FBXL13: variants seen among roughly 807,000 people sequenced by gnomAD.
FBXL13 encodes the protein F-box and leucine-rich repeat protein 13.
Under a neutral mutation model 83.6 loss-of-function variants are expected in FBXL13, and 67 were observed. The observed-to-expected ratio is 0.80, with a 90% CI of 0.66 to 0.98. FBXL13 has a LOEUF of 0.98. Ranked by LOEUF, FBXL13 falls within the 50% of genes least tolerant of loss-of-function variation. The pLI, the probability that FBXL13 is intolerant of heterozygous loss-of-function variation, is 0.00. For missense variants in FBXL13, 822 were observed against 866.5 expected, an observed-to-expected ratio of 0.95 and a Z score of 0.64; for synonymous variants, 272 against 299.5, an observed-to-expected ratio of 0.91 and a Z score of 0.95.
intron 6 of FBXL13, among the ~76,000 whole-genome samples, chr7:102,977,412 A>G (rs1455236577): frequency 6.6e-6 from 1 of 152,232 alleles, no homozygotes; most frequent in Non-Finnish European, 1.5e-5. Flanking sequence ...TAACATAGAC[A>G]ATAATGGAAA....
intron 1 of FBXL13, among the ~76,000 whole-genome samples, chr7:103,057,415 G>GT (rs566190343): frequency 4.6e-5 from 1 of 21,838 alleles, no homozygotes; most frequent in Admixed American, 6.5e-4. Flanking sequence ...CATTGGGGTT[G>GT]GGGGGGGTTG....
intron 11 of FBXL13, among the ~76,000 whole-genome samples, chr7:102,887,093 T>C (rs1014714747): frequency 6.6e-6 from 1 of 152,202 alleles, no homozygotes; most frequent in Admixed American, 6.5e-5. Context: ...TACAAGTTAA[T>C]GTTTTAGGAG....
chr7:102,879,144 T>C (rs1000005866), intron 14 of FBXL13, among the ~76,000 whole-genome samples: 19 of 152,200 alleles, frequency 1.2e-4, no homozygotes, highest in Non-Finnish European at 2.8e-4. Flanking sequence ...TAAGAAGCAT[T>C]TCAGCAAATA....
intron 10 of FBXL13, among the ~76,000 whole-genome samples, chr7:102,920,630 A>T (rs1426782036): frequency 6.6e-6 from 1 of 152,148 alleles, no homozygotes; most frequent in African/African-American, 2.4e-5. Flanking sequence ...GGTTACAGCA[A>T]GCCACCACGC....
intron 19 of FBXL13, among the ~76,000 whole-genome samples, chr7:102,820,675 C>T (rs1229813459): frequency 1.3e-5 from 2 of 152,160 alleles, no homozygotes; most frequent in Non-Finnish European, 2.9e-5. Flanking sequence ...ATTTATTGCT[C>T]ATAGTTATAG....
chr7:103,025,200 AT>A lies in FBXL13; in HGVS notation c.357del (p.Lys119AsnfsTer6), dbSNP rs779744290. The A allele has an allele frequency of 6.3e-7, 1 of 1,581,094 alleles. No homozygotes were observed. Among genetic ancestry groups the A allele is most frequent in the Non-Finnish European group, 8.6e-7 (1 of 1,160,440 alleles). On this transcript the variant is annotated frameshift_variant, in exon 6 of 20. Transcript: ENST00000313221. LOFTEE classifies it high-confidence loss of function. ...CTTTTGAGTATTAACCTATTTTTCC[AT>A]TTTTTCAATTGAAGTTCATGTTTTA...
intron 2 of FBXL13, among the ~76,000 whole-genome samples, chr7:103,041,645 C>T (rs1261853822): frequency 6.6e-6 from 1 of 152,188 alleles, no homozygotes; most frequent in Non-Finnish European, 1.5e-5. Context: ...GGCTTCATCC[C>T]TGGGATGCAA....
chr7:103,072,745 C>G (rs920496699), intron 1 of FBXL13, among the ~76,000 whole-genome samples: 14 of 152,212 alleles, frequency 9.2e-5, no homozygotes, highest in African/African-American at 3.4e-4. Flanking sequence ...CCCTCTACTT[C>G]TCTTCACTCA....
intron 11 of FBXL13, among the ~76,000 whole-genome samples, chr7:102,908,826 T>C (rs1814177562): frequency 6.6e-6 from 1 of 152,246 alleles, no homozygotes; most frequent in Non-Finnish European, 1.5e-5. Context: ...TCCACCACTA[T>C]GATTGCACTG....
chr7:103,067,088 T>C (rs902583513), intron 1 of FBXL13, among the ~76,000 whole-genome samples: 1 of 151,972 alleles, frequency 6.6e-6, no homozygotes, highest in Admixed American at 6.6e-5. Flanking sequence ...GTGGGTGTAA[T>C]GGAATTGTCA....
At chr7:102,880,507 A>G (rs1391788033) in intron 14 of FBXL13, among the ~76,000 whole-genome samples, 2 of 152,116 alleles carry the variant, frequency 1.3e-5, no homozygotes, top group African/African-American at 4.8e-5. Context: ...TCCCAGATAA[A>G]TCTAATTGTT....
chr7:103,024,853 A>ATATT (rs1793695020), intron 6 of FBXL13, among the ~76,000 whole-genome samples: 1 of 88,236 alleles, frequency 1.1e-5, no homozygotes, highest in African/African-American at 5.4e-5. Context: ...ATATATATAT[A>ATATT]TATATTTTTT....
chr7:102,886,823 GA>G (rs1041922028), intron 11 of FBXL13, among the ~76,000 whole-genome samples: 2 of 152,076 alleles, frequency 1.3e-5, no homozygotes, highest in Admixed American at 1.3e-4. Flanking sequence ...GAAATAAAAA[GA>G]AAAGAGAAAA....
intron 11 of FBXL13, among the ~76,000 whole-genome samples, chr7:102,894,997 C>T (rs1311067699): frequency 1.3e-5 from 2 of 152,130 alleles, no homozygotes; most frequent in Admixed American, 6.6e-5. Context: ...CAAAGTCCTA[C>T]TATGAGCCAG....
chr7:102,955,033 C>G (rs1160234527), intron 8 of FBXL13, among the ~76,000 whole-genome samples: 5 of 152,164 alleles, frequency 3.3e-5, no homozygotes, highest in Admixed American at 2.6e-4. Context: ...AGCTCTGCAA[C>G]AAGCAGACCT....
chr7:102,907,125 A>G (rs1450569872), intron 11 of FBXL13, among the ~76,000 whole-genome samples: 1 of 151,866 alleles, frequency 6.6e-6, no homozygotes. Context: ...GGCACCCACC[A>G]CCACGTCTGG....
chr7:102,951,269 C>A (rs778258696), intron 8 of FBXL13, among the ~76,000 whole-genome samples: 48 of 151,488 alleles, frequency 3.2e-4, no homozygotes, highest in Non-Finnish European at 5.7e-4. Flanking sequence ...GAGATCAAGA[C>A]CAGCTTGGCT....
At chr7:102,848,602 A>AAAAAT (rs1804596135) in intron 17 of FBXL13, among the ~76,000 whole-genome samples, 1 of 139,950 alleles carries the variant, frequency 7.1e-6, no homozygotes, top group Non-Finnish European at 1.6e-5. Flanking sequence ...AAAAAAAAAA[A>AAAAAT]TACACATTCG....
At chr7:102,923,549 G>A (rs753651055) in intron 10 of FBXL13, among the ~76,000 whole-genome samples, 3 of 152,180 alleles carry the variant, frequency 2.0e-5, no homozygotes, top group Admixed American at 6.5e-5. Context: ...AAGGCCGGGC[G>A]CGGTGGCTCA....
Sources: gnomAD v4.1 joint callset for allele counts (sites outside exome capture counted in the v4.1 genomes callset) on GRCh38, gnomAD v4.1.1 for gene constraint, MANE v1.5 for transcripts, NCBI Gene and HGNC (gene_info 2026-07-23, HGNC 2026-07-21) for gene names.